The following PCDH15 variants were observed in gnomAD, a reference collection of about 807,000 sequenced individuals.
PCDH15 encodes the protein protocadherin-15.
In PCDH15, 129 loss-of-function variants were observed where a neutral mutation model predicts 178.5. The ratio of observed to expected loss-of-function variants is 0.72; its 90% confidence interval spans 0.63 to 0.84. The LOEUF (loss-of-function observed/expected upper bound fraction) is 0.84. Ranked by LOEUF, PCDH15 falls within the 40% of genes least tolerant of loss-of-function variation. PCDH15 has a pLI of 0.00. For synonymous variants in PCDH15, 800 were observed against 732.0 expected (o/e 1.09, Z -1.50); for missense variants, 2,230 against 2,099.9 (o/e 1.06, Z -1.21).
intron 2 of PCDH15, among the ~76,000 whole-genome samples, chr10:55,012,330 A>G (rs1457496595): frequency 6.6e-6 from 1 of 152,154 alleles, no homozygotes; most frequent in Admixed American, 6.6e-5. Context: ...AATGTTCAAA[A>G]TTAAGATATT....
chr10:55,600,469 A>G (rs1017836773), intron 2 of PCDH15, among the ~76,000 whole-genome samples: 3 of 152,156 alleles, frequency 2.0e-5, no homozygotes, highest in African/African-American at 7.2e-5. Context: ...ACATTGACCC[A>G]ATAATTCTAT....
At chr10:54,605,113 T>C (rs1247864876) in intron 2 of PCDH15, among the ~76,000 whole-genome samples, 1 of 151,964 alleles carries the variant, frequency 6.6e-6, no homozygotes, top group African/African-American at 2.4e-5. Context: ...AATGTAATTT[T>C]AGTTATACCT....
chr10:53,828,532 GA>G, intron 31 of PCDH15, 32 bp downstream of exon 31: 2 of 1,523,504 alleles, frequency 1.3e-6, no homozygotes, highest in Non-Finnish European at 1.8e-6. Context: ...CCTATTACAT[GA>G]AAAGGATGTG....
intron 2 of PCDH15, among the ~76,000 whole-genome samples, chr10:54,645,436 T>G (rs1009087238): frequency 6.6e-6 from 1 of 151,836 alleles, no homozygotes; most frequent in African/African-American, 2.4e-5. Context: ...TGAAAAATAG[T>G]AAAAGCATTT....
intron 2 of PCDH15, among the ~76,000 whole-genome samples, chr10:54,912,717 A>G (rs1954838629): frequency 6.6e-6 from 1 of 152,202 alleles, no homozygotes; most frequent in Non-Finnish European, 1.5e-5. Context: ...GGAATTGGGT[A>G]ATGGGCAAGG....
chr10:54,015,990 G>T (rs1589925436), intron 20 of PCDH15, among the ~76,000 whole-genome samples: 1 of 152,084 alleles, frequency 6.6e-6, no homozygotes, highest in Non-Finnish European at 1.5e-5. Flanking sequence ...GCCACCTACA[G>T]AATGGGTGAA....
At chr10:55,078,524 A>AT (rs1308228327) in intron 2 of PCDH15, among the ~76,000 whole-genome samples, 12 of 151,292 alleles carry the variant, frequency 7.9e-5, no homozygotes, top group East Asian at 5.8e-4. Context: ...TTTTTTCTTT[A>AT]TTTTTGACTG....
intron 2 of PCDH15, among the ~76,000 whole-genome samples, chr10:55,466,243 A>G (rs184097111): frequency 6.6e-6 from 1 of 152,324 alleles, no homozygotes; most frequent in African/African-American, 2.4e-5. Context: ...AGTATACTAG[A>G]GACAGCTTAA....
chr10:54,541,358 A>G (rs566158827), intron 2 of PCDH15, among the ~76,000 whole-genome samples: 1 of 152,314 alleles, frequency 6.6e-6, no homozygotes, highest in East Asian at 1.9e-4. Flanking sequence ...TGCATTTAAC[A>G]TACTAAAATC....
chr10:55,398,485 G>T (rs1837982280), intron 2 of PCDH15, among the ~76,000 whole-genome samples: 1 of 152,066 alleles, frequency 6.6e-6, no homozygotes, highest in South Asian at 2.1e-4. Flanking sequence ...TAGTTGCAAG[G>T]TTTCTTTTTT....
chr10:53,830,086 G>A (rs1200804263), intron 30 of PCDH15, among the ~76,000 whole-genome samples: 2 of 152,078 alleles, frequency 1.3e-5, no homozygotes, highest in Non-Finnish European at 2.9e-5. Context: ...GGCGGATCAC[G>A]AAGTTAGGAG....
chr10:54,210,090 T>G (rs140714521), intron 10 of PCDH15, among the ~76,000 whole-genome samples: 124 of 152,268 alleles, frequency 8.1e-4, no homozygotes, highest in African/African-American at 2.8e-3. Context: ...GTAATTTTTC[T>G]TTAGAAGAAA....
chr10:54,216,076 T>G (rs1449223080), intron 9 of PCDH15, among the ~76,000 whole-genome samples: 2 of 132,070 alleles, frequency 1.5e-5, no homozygotes, highest in Non-Finnish European at 3.2e-5. Context: ...AAAGAGAAAT[T>G]TATGTCCAGA....
intron 2 of PCDH15, among the ~76,000 whole-genome samples, chr10:55,425,525 T>C (rs1417013709): frequency 6.6e-6 from 1 of 152,120 alleles, no homozygotes; most frequent in African/African-American, 2.4e-5. Flanking sequence ...CTTAGAGAAA[T>C]CATATAACAA....
At chr10:54,411,934 G>A (rs976239315) in intron 3 of PCDH15, among the ~76,000 whole-genome samples, 11 of 152,112 alleles carry the variant, frequency 7.2e-5, no homozygotes, top group Admixed American at 3.3e-4. Context: ...TTCAGTTAAA[G>A]GCAACTGGGG....
chr10:54,637,141 A>AG (rs1329949939), intron 2 of PCDH15, among the ~76,000 whole-genome samples: 5 of 151,332 alleles, frequency 3.3e-5, no homozygotes, highest in South Asian at 2.1e-4. Flanking sequence ...AAAAAAAAAA[A>AG]CAATTCAGGG....
At chr10:53,952,123 G>A (rs1037331942) in intron 23 of PCDH15, among the ~76,000 whole-genome samples, 2 of 152,176 alleles carry the variant, frequency 1.3e-5, no homozygotes, top group Non-Finnish European at 2.9e-5. Flanking sequence ...GATCCCTGAA[G>A]GGCCACTTCG....
At chr10:54,090,826 C>T (rs1334705595) in intron 15 of PCDH15, among the ~76,000 whole-genome samples, 1 of 152,028 alleles carries the variant, frequency 6.6e-6, no homozygotes. Flanking sequence ...CTCCAATTGT[C>T]CTATGTGATT....
At position 53,903,258 on chromosome 10, in the gene PCDH15, A is replaced by C. The variant is rs2082443435; in HGVS notation, c.3486T>G (p.Ser1162=). The change falls in exon 26 of 38, where the codon TCT becomes TCG. Residue 1162 remains serine (S), a synonymous_variant. Coordinates refer to ENST00000644397, the MANE Select transcript of PCDH15 (RefSeq NM_001384140.1). ...TTCCGCATACCTTCACTCTGAGTAC[A>C]GAAGTAAACATTCTTGCATCTTCAG... ...GVSEDARMFT[S]VLRVKATDKD... 2.5e-6 allele frequency: 4 copies of C among 1,612,944 alleles called. No homozygotes were observed. The Admixed American group carries it at 6.7e-5, about 27-fold the overall frequency.
Sources: allele counts gnomAD v4.1 joint callset (sites outside exome capture counted in the v4.1 genomes callset), GRCh38; gene constraint gnomAD v4.1.1; transcripts MANE v1.5; gene names NCBI Gene and HGNC (gene_info 2026-07-23, HGNC 2026-07-21).